The following CFAP47 variants were observed in gnomAD, a reference collection of about 807,000 sequenced individuals.
CFAP47 encodes the protein cilia and flagella associated protein 47.
In CFAP47, 29 loss-of-function variants were observed where a neutral mutation model predicts 148.1. The ratio of observed to expected loss-of-function variants is 0.20; its 90% CI spans 0.15 to 0.27. CFAP47 has a LOEUF of 0.27. Among genes scored for constraint, CFAP47 ranks in the 10% least tolerant of loss-of-function variants. The probability of loss-of-function intolerance (pLI) is 1.00; values close to 1 mark genes in which losing one functional copy is unlikely to be tolerated. For missense variants in CFAP47, 1,872 were observed against 1,697.5 expected (o/e 1.10, Z -1.81); for synonymous variants, 664 against 577.3 (o/e 1.15, Z -2.15).
chrX:36,344,283 C>A (rs1602118184), intron 57 of CFAP47, among the ~76,000 whole-genome samples: 4 of 93,103 alleles, frequency 4.3e-5, no homozygotes, highest in African/African-American at 8.1e-5. Flanking sequence ...CTAAGAGTTG[C>A]AGAATAGCAA....
At chrX:35,988,598 A>G (rs1936749127) in intron 15 of CFAP47, among the ~76,000 whole-genome samples, 1 of 111,895 alleles carries the variant, frequency 8.9e-6, no homozygotes, top group African/African-American at 3.3e-5. Flanking sequence ...TTGTGATGGT[A>G]ATTGATTTCT....
At chrX:36,332,417 T>C (rs1326781260) in intron 57 of CFAP47, among the ~76,000 whole-genome samples, 2 of 111,895 alleles carry the variant, frequency 1.8e-5, no homozygotes, top group Non-Finnish European at 1.9e-5. Flanking sequence ...TGAAACTCTC[T>C]ACTGTCATCA....
At position 36,281,454 on chromosome X, in the gene CFAP47, A is replaced by G. The variant is rs782395721; in HGVS notation, c.7588+824A>G. Among the ~76,000 whole-genome samples the G allele has an allele frequency of 1.8e-4, 20 of 111,942 alleles. No individual in the cohort carries two copies. The South Asian group carries it at 5.2e-3, about 29-fold the overall frequency. On this transcript the variant is annotated intron_variant, in intron 50 of 63. Coordinates refer to ENST00000378653, the MANE Select transcript of CFAP47 (RefSeq NM_001304548.2). ...CCAGCAGGCTAAAAAGTCAATGTCAATGTTGCAGCCTTGAGTCCAAATTCC... is the reference window on the plus strand; with the variant it reads ...CCAGCAGGCTAAAAAGTCAATGTCAGTGTTGCAGCCTTGAGTCCAAATTCC...
chrX:36,270,414 A>G (rs1236669589), intron 49 of CFAP47, among the ~76,000 whole-genome samples: 1 of 110,065 alleles, frequency 9.1e-6, no homozygotes, highest in Admixed American at 9.9e-5. Flanking sequence ...ATAATGAATA[A>G]TGACATTGAG....
At chrX:36,040,927 A>G (rs868629349) in intron 25 of CFAP47, among the ~76,000 whole-genome samples, 11 of 111,954 alleles carry the variant, frequency 9.8e-5, no homozygotes, top group African/African-American at 2.6e-4. Context: ...GTTTTATTAA[A>G]TAAACATCAA....
chrX:36,346,282 A>T (rs1317761098), intron 57 of CFAP47, among the ~76,000 whole-genome samples: 1 of 110,734 alleles, frequency 9.0e-6, no homozygotes, highest in Non-Finnish European at 1.9e-5. Context: ...ATAAGGTGCT[A>T]CTTAATCATG....
intron 54 of CFAP47, among the ~76,000 whole-genome samples, chrX:36,304,342 A>C (rs1260866090): frequency 9.2e-6 from 1 of 108,718 alleles, no homozygotes; most frequent in East Asian, 2.9e-4. Context: ...AGATCGTGCC[A>C]CTGCCCTCCA....
intron 3 of CFAP47, among the ~76,000 whole-genome samples, chrX:35,944,251 T>C (rs1418310343): frequency 9.0e-6 from 1 of 111,424 alleles, no homozygotes; most frequent in African/African-American, 3.3e-5. Context: ...CACCCCCTAC[T>C]TATTCTCAGT....
rs750551351 is a variant in CFAP47 at position 35,926,901 on chromosome X, T to G, written c.401+733T>G. Among the ~76,000 whole-genome samples the G allele has an allele frequency of 5.7e-4, 63 of 110,418 alleles. 1 individual carries two copies. The highest frequency in any genetic ancestry group is 3.9e-4 in the South Asian group (1 of 2,596). On this transcript the variant is annotated intron_variant, in intron 2 of 63. Transcript: ENST00000378653. Reference sequence around the variant, plus strand: ...GCCTGTAATCCTAGCACGTAGCACTTTGGGAGGCCAAGGCGGGTGGATCAC... The same window carrying G: ...GCCTGTAATCCTAGCACGTAGCACTGTGGGAGGCCAAGGCGGGTGGATCAC...
rs1939850090 is a variant in CFAP47 at position 36,190,108 on chromosome X, G to T, written c.6233G>T (p.Gly2078Val). 1 of 296,617 alleles carries T rather than the reference G, an allele frequency of 3.4e-6. No homozygotes were observed. Among genetic ancestry groups the T allele is most frequent in the African/African-American group, 2.7e-5 (1 of 36,607 alleles). 24.4% of individuals were successfully genotyped at this position (296,617 alleles called of 1,213,427 possible). A position where few individuals can be genotyped will look rare whatever the true frequency, so the allele number is the denominator to read the frequency against. The stretch of plus-strand genomic sequence containing the variant: ...TGCTCCATGCATACTGTTCACCTGG[G>T]AGTGAAAGGAACTTCAAGCCTAGAG... ...FFCSMHTVHL[G>V]VKGTSSLELR... The change falls in exon 42 of 64, where the codon GGA (glycine) becomes GTA (valine). Residue 2078 changes from glycine to valine, a missense_variant. Gly to Val is a moderately radical substitution (Grantham distance 109). Transcript: ENST00000378653.
intron 58 of CFAP47, 26 bp from the exon 59 acceptor site, chrX:36,350,012 C>T: frequency 2.1e-6 from 2 of 952,456 alleles, no homozygotes; most frequent in Non-Finnish European, 2.9e-6. Flanking sequence ...CTTTTGTTCC[C>T]TCTTAATATT....
At position 36,325,804 on chromosome X, in the gene CFAP47, G is replaced by A. The variant is rs782594108; in HGVS notation, c.8443+6497G>A. ...AGGAAAGGAGTTTTACCTTGGTCAG[G>A]TGACTCTCTTCAGCTGAAATTTAGG... On this transcript the variant is annotated intron_variant, in intron 57 of 63. Transcript: ENST00000378653. Among the ~76,000 whole-genome samples, 221 of 111,304 alleles carry A rather than the reference G, an allele frequency of 2.0e-3. 1 individual carries two copies. The highest frequency in any genetic ancestry group is 6.8e-3 in the African/African-American group (209 of 30,641).
chrX:36,039,892 A>C (rs1937382744), intron 25 of CFAP47, among the ~76,000 whole-genome samples: 1 of 112,007 alleles, frequency 8.9e-6, no homozygotes, highest in African/African-American at 3.2e-5. Context: ...CATCCATGAT[A>C]ATTTCCCTCT....
chrX:36,090,950 TG>T (rs1274138545), intron 30 of CFAP47, among the ~76,000 whole-genome samples: 1 of 111,358 alleles, frequency 9.0e-6, no homozygotes, highest in South Asian at 3.7e-4. Flanking sequence ...AATGCGAACT[TG>T]GAAAAAATAT....
At chrX:36,127,398 G>A (rs1408166340) in intron 33 of CFAP47, among the ~76,000 whole-genome samples, 1 of 111,398 alleles carries the variant, frequency 9.0e-6, no homozygotes, top group African/African-American at 3.3e-5. Flanking sequence ...AAGATCAGAT[G>A]GTTGTAGATG....
At chrX:36,020,790 C>T (rs1479524364) in intron 22 of CFAP47, among the ~76,000 whole-genome samples, 1 of 111,456 alleles carries the variant, frequency 9.0e-6, no homozygotes, top group African/African-American at 3.3e-5. Context: ...TACTTTTATC[C>T]ATTCAGCCAG....
chrX:36,095,473 T>C (rs1420511331), intron 30 of CFAP47, among the ~76,000 whole-genome samples: 1 of 111,810 alleles, frequency 8.9e-6, no homozygotes, highest in Admixed American at 9.5e-5. Flanking sequence ...AGTTCTTCTT[T>C]AAATATTTAA....
chrX:36,127,798 A>G (rs1392089490), intron 33 of CFAP47, among the ~76,000 whole-genome samples: 1 of 111,031 alleles, frequency 9.0e-6, no homozygotes, highest in African/African-American at 3.3e-5. Context: ...CTCCTTGAAG[A>G]GGTCCTTCAC....
intron 15 of CFAP47, among the ~76,000 whole-genome samples, chrX:35,982,383 A>C (rs1452935028): frequency 9.0e-6 from 1 of 111,171 alleles, no homozygotes; most frequent in Non-Finnish European, 1.9e-5. Context: ...ACGTAGTTTG[A>C]AAATATATTT....
Sources: allele counts gnomAD v4.1 joint callset (sites outside exome capture counted in the v4.1 genomes callset), GRCh38; gene constraint gnomAD v4.1.1; transcripts MANE v1.5; gene names NCBI Gene and HGNC (gene_info 2026-07-23, HGNC 2026-07-21).